IQCE: variants seen among roughly 807,000 people sequenced by gnomAD.
The protein encoded by IQCE is IQ motif containing E, also known as IQ domain-containing protein E.
Under a neutral mutation model 96.0 loss-of-function variants are expected in IQCE, and 115 were observed. That is an observed-to-expected ratio of 1.20 (90% CI 1.03 to 1.40). The LOEUF is 1.40. Among genes scored for constraint, IQCE ranks in the 40% most tolerant of loss-of-function variants. IQCE has a pLI of 0.00. For missense variants in IQCE, 1,041 were observed against 909.1 expected (o/e 1.15, Z -1.87); for synonymous variants, 412 against 371.2 (o/e 1.11, Z -1.26).
At chr7:2,596,275 GAA>G (rs1015125695) in intron 16 of IQCE, among the ~76,000 whole-genome samples, 9 of 149,800 alleles carry the variant, frequency 6.0e-5, no homozygotes, top group African/African-American at 9.9e-5. Context: ...AAAAAGAAAA[GAA>G]AGAGAGAAAG....
chr7:2,607,396 A>G, intron 21 of IQCE, 169 bp downstream of exon 21: 2 of 1,375,994 alleles, frequency 1.5e-6, no homozygotes, highest in Non-Finnish European at 1.9e-6. Context: ...AAGGCCCACA[A>G]CAGGGCCCCG....
chr7:2,587,940 C>A, intron 13 of IQCE, 63 bp downstream of exon 13: 1 of 1,474,680 alleles, frequency 6.8e-7, no homozygotes, highest in Non-Finnish European at 9.4e-7. Flanking sequence ...TGGGGACGGG[C>A]TCACAGGGTG....
chr7:2,605,990 A>T lies in IQCE; in HGVS notation c.1858A>T (p.Arg620Trp). ...TCTGCGGGCACACCTGGCCCGGGCC[A>T]GGCACAGGTGAGTCAGGGTCACGGG... ...SALRAHLARA[R>W]HSATGKRTTT... Residue 620 changes from arginine (R) to tryptophan (W), a missense_variant, in exon 20 of 22, where the codon AGG (arginine) becomes TGG (tryptophan). Physicochemically the swap from Arg to Trp is moderately radical, Grantham distance 101. Coordinates refer to ENST00000402050, the MANE Select transcript of IQCE (RefSeq NM_152558.5). 6 of 1,608,200 alleles carry T rather than the reference A, an allele frequency of 3.7e-6. No homozygotes were observed. Among genetic ancestry groups the T allele is most frequent in the Non-Finnish European group, 5.1e-6 (6 of 1,178,096 alleles).
chr7:2,566,035 G>A (rs1376140890), intron 1 of IQCE, among the ~76,000 whole-genome samples: 2 of 152,128 alleles, frequency 1.3e-5, no homozygotes, highest in Non-Finnish European at 2.9e-5. Flanking sequence ...TTGCTTTTCA[G>A]AACGCAGTAG....
At position 2,598,515 on chromosome 7, in the gene IQCE, C is replaced by G; in HGVS notation, c.1491C>G (p.Asp497Glu). 1 of 1,610,986 alleles carries G rather than the reference C, an allele frequency of 6.2e-7. No individual in the cohort carries two copies. Among genetic ancestry groups the G allele is most frequent in the South Asian group, 1.1e-5 (1 of 90,704 alleles). ...CCAGCAGCAGGCACTGCGAGCAAGA[C>G]TGGCCGCCGGATTCCAGCGAGGAGG... ...PTPSSRHCEQ[D>E]WPPDSSEEGL... Residue 497 changes from aspartate (D) to glutamate (E), a missense_variant, in exon 17 of 22, where the codon GAC (aspartate) becomes GAG (glutamate). Coordinates refer to ENST00000402050, the MANE Select transcript of IQCE (RefSeq NM_152558.5).
intron 16 of IQCE, chr7:2,596,927 T>G (rs1562669004): frequency 2.2e-6 from 1 of 464,590 alleles, no homozygotes; most frequent in East Asian, 7.0e-5. Context: ...CAGCTGGCTG[T>G]GTGGATGTAC....
In IQCE at chr7:2,598,549, C is replaced by A. The variant is rs925768682; in HGVS notation, c.1525C>A (p.Arg509=). ...GGATTCCAGCGAGGAGGGGCTCCCG[C>A]GGCCCCGCTCCCCCTGCTCTGATGG... ...PPDSSEEGLP[R]PRSPCSDGRR... is the part of the protein sequence containing the mutation. Residue 509 remains arginine, a synonymous_variant, in exon 17 of 22, where the codon CGG becomes AGG. Transcript: ENST00000402050. 2 of 1,610,680 alleles carry A rather than the reference C, an allele frequency of 1.2e-6. No homozygotes were observed. The highest frequency in any genetic ancestry group is 2.2e-5 in the East Asian group (1 of 44,484).
intron 2 of IQCE, among the ~76,000 whole-genome samples, chr7:2,567,529 A>C (rs1284888323): frequency 6.6e-6 from 1 of 152,230 alleles, no homozygotes; most frequent in Admixed American, 6.5e-5. Context: ...AGACCTGGGC[A>C]GCCGCCATCC....
chr7:2,578,804 C>T (rs1420810649), intron 8 of IQCE, among the ~76,000 whole-genome samples: 2 of 152,124 alleles, frequency 1.3e-5, no homozygotes, highest in Non-Finnish European at 2.9e-5. Flanking sequence ...GCTTAACAAG[C>T]GCTCCCAGCG....
chr7:2,569,011 G>T lies in IQCE; in HGVS notation c.130+12G>T. The T allele has an allele frequency of 6.2e-7, 1 of 1,613,138 alleles. No individual in the cohort carries two copies. The highest frequency in any genetic ancestry group is 8.5e-7 in the Non-Finnish European group (1 of 1,179,224). On this transcript the variant is annotated intron_variant, in intron 3 of 21. Coordinates refer to ENST00000402050, the MANE Select transcript of IQCE (RefSeq NM_152558.5). Reference sequence around the variant, plus strand: ...ACCCACATCGCCAAGTAAGTATGACGAGGCCTGCCTTCCCTCTCACGCCGA... The same window carrying T: ...ACCCACATCGCCAAGTAAGTATGACTAGGCCTGCCTTCCCTCTCACGCCGA...
chr7:2,605,046 C>T, intron 19 of IQCE, 55 bp downstream of exon 19: 3 of 1,240,816 alleles, frequency 2.4e-6, no homozygotes, highest in South Asian at 2.4e-5. Context: ...GCTCGTCTCG[C>T]ACTCCATCCA....
rs1274970598 is a variant in IQCE at position 2,559,052 on chromosome 7, A to G, written c.-130A>G. 6.7e-6 allele frequency: 3 copies of G among 449,062 alleles called. No homozygotes were observed. Among genetic ancestry groups the G allele is most frequent in the Non-Finnish European group, 1.0e-5 (3 of 288,244 alleles). 27.8% of individuals were successfully genotyped at this position (449,062 alleles called of 1,614,324 possible). On this transcript the variant is annotated 5_prime_UTR_variant, in exon 1 of 22. An upstream start codon of the reference 5' UTR is lost. Transcript: ENST00000402050. ...TGGGTAGGTCGGCGGCCTGGTTGCC[A>G]TGGCAGCGGGGTCGCGGGCCGGCGC...
chr7:2,574,627 G>A (rs554406618), intron 6 of IQCE, among the ~76,000 whole-genome samples: 4 of 152,302 alleles, frequency 2.6e-5, no homozygotes, highest in African/African-American at 9.6e-5. Context: ...GGATTATCTC[G>A]TTTGGGATTT....
rs1780728271 is a variant in IQCE at position 2,559,216 on chromosome 7, C to A, written c.35C>A (p.Thr12Lys). 2 of 1,213,578 alleles carry A rather than the reference C, an allele frequency of 1.6e-6. No homozygotes were observed. The highest frequency in any genetic ancestry group is 3.2e-5 in the African/African-American group (2 of 63,430). The allele number at this position is 1,213,578 out of a possible 1,614,324, so 75.2% of individuals were successfully genotyped here. Residue 12 changes from threonine (T) to lysine (K), a missense_variant and splice_region_variant, in exon 1 of 22, where the codon ACG becomes AAG. Thr to Lys is a moderately conservative substitution (Grantham distance 78, BLOSUM62 -1). Coordinates refer to ENST00000402050, the MANE Select transcript of IQCE (RefSeq NM_152558.5). ...GGCACCGGGGAGCCGGCCTTGGACA[C>A]GGTAAGAACGGGCGAGGGGGCGACG... ...FLGTGEPALD[T>K]GDDSLSAVTF... is the part of the protein sequence containing the mutation.
rs1562609428 is a variant in IQCE at position 2,559,196 on chromosome 7, CG to C, written c.19del (p.Glu7SerfsTer68). ...GCGCCGCCACCATGTTCCTGGGCAC[CG>C]GGGAGCCGGCCTTGGACACGGTAAG... is the stretch of plus-strand genomic sequence containing the variant. MFLGT[G>X]EPALDTGDDS... On this transcript the variant is annotated frameshift_variant, in exon 1 of 22. Transcript: ENST00000402050. LOFTEE classifies it high-confidence loss of function. 1.6e-6 allele frequency: 2 copies of C among 1,212,340 alleles called. No individual in the cohort carries two copies. The highest frequency in any genetic ancestry group is 1.0e-6 in the Non-Finnish European group (1 of 974,896). 75.1% of individuals were successfully genotyped at this position (1,212,340 alleles called of 1,614,324 possible).
chr7:2,606,565 TG>T (rs1784845563), intron 20 of IQCE, among the ~76,000 whole-genome samples: 1 of 152,154 alleles, frequency 6.6e-6, no homozygotes, highest in Non-Finnish European at 1.5e-5. Context: ...TCACCCCGCA[TG>T]GGGTTTGTTC....
In IQCE at chr7:2,585,040, C is replaced by T. The variant is rs551144835; in HGVS notation, c.824+755C>T. On this transcript the variant is annotated intron_variant, in intron 11 of 21. Transcript: ENST00000402050. ...GGTACAGGGCTCCTGCGAGCTTCTG[C>T]TCATAACATTTTTTTTTTTTTTTTG... Among the ~76,000 whole-genome samples the T allele has an allele frequency of 5.6e-5, 8 of 143,930 alleles. No individual in the cohort carries two copies. The Admixed American group carries it at 6.0e-4, about 11-fold the overall frequency. 94.4% of individuals were successfully genotyped at this position (143,930 alleles called of 152,430 possible). A position where few individuals can be genotyped will look rare whatever the true frequency, so the allele number is the denominator to read the frequency against.
chr7:2,598,384 G>A (rs933992819), intron 16 of IQCE, 81 bp from the exon 17 acceptor site: 7 of 1,358,966 alleles, frequency 5.2e-6, no homozygotes, highest in African/African-American at 2.9e-5. Flanking sequence ...CACCATGCCG[G>A]GTAATATCCT....
chr7:2,578,146 C>T, intron 6 of IQCE, 96 bp from the exon 7 acceptor site: 3 of 917,500 alleles, frequency 3.3e-6, no homozygotes, highest in Admixed American at 1.8e-5. Context: ...GCGGCGTGCC[C>T]GCATTGGCGT....
Sources: gnomAD v4.1 joint callset for allele counts (sites outside exome capture counted in the v4.1 genomes callset) on GRCh38, gnomAD v4.1.1 for gene constraint, MANE v1.5 for transcripts, NCBI Gene and HGNC (gene_info 2026-07-23, HGNC 2026-07-21) for gene names.